The following GNAQ variants were observed in gnomAD, a reference collection of about 807,000 sequenced individuals.
GNAQ encodes G protein subunit alpha q.
Under a neutral mutation model 43.9 loss-of-function variants are expected in GNAQ, and 8 were observed. The ratio of observed to expected loss-of-function variants is 0.18; its 90% CI spans 0.11 to 0.33. GNAQ has a LOEUF of 0.33. Among genes scored for constraint, GNAQ ranks in the 10% least tolerant of loss-of-function variants. The pLI is 1.00. For missense variants in GNAQ, 158 were observed against 450.8 expected, an observed-to-expected ratio of 0.35 and a Z score of 5.88; for synonymous variants, 155 against 170.7, an observed-to-expected ratio of 0.91 and a Z score of 0.71.
intron 1 of GNAQ, among the ~76,000 whole-genome samples, chr9:77,989,368 T>C (rs1216149068): frequency 6.6e-6 from 1 of 152,188 alleles, no homozygotes; most frequent in Non-Finnish European, 1.5e-5. Context: ...CAGACTCGAA[T>C]GTTGAATCCT....
intron 6 of GNAQ, among the ~76,000 whole-genome samples, chr9:77,728,309 A>G (rs967274804): frequency 1.3e-5 from 2 of 152,134 alleles, no homozygotes; most frequent in African/African-American, 4.8e-5. Context: ...TTCTTTTTCT[A>G]TGACTTTTAG....
chr9:77,849,044 G>T (rs141567364), intron 2 of GNAQ, among the ~76,000 whole-genome samples: 1 of 152,256 alleles, frequency 6.6e-6, no homozygotes, highest in East Asian at 1.9e-4. Flanking sequence ...AGGAAAATTC[G>T]AGCTCAGTGA....
intron 1 of GNAQ, among the ~76,000 whole-genome samples, chr9:77,957,935 G>C (rs140982379): frequency 7.4e-4 from 112 of 152,278 alleles, no homozygotes; most frequent in Admixed American, 1.2e-3. Flanking sequence ...TTAAAGAAGA[G>C]ACACATTTTA....
chr9:78,012,189 T>C (rs1823781292), intron 1 of GNAQ, among the ~76,000 whole-genome samples: 1 of 151,384 alleles, frequency 6.6e-6, no homozygotes, highest in African/African-American at 2.4e-5. Context: ...AAGAATTCTA[T>C]ACCCATGCAA....
intron 2 of GNAQ, among the ~76,000 whole-genome samples, chr9:77,825,740 C>T (rs1040785858): frequency 1.3e-5 from 2 of 152,038 alleles, no homozygotes; most frequent in African/African-American, 4.8e-5. Context: ...TTTAATGCAG[C>T]TATTAATAAG....
In GNAQ at chr9:77,727,150, T is replaced by A. The variant is rs1021127965; in HGVS notation, c.889+1364A>T. Among the ~76,000 whole-genome samples, 46 of 150,848 alleles carry A rather than the reference T, an allele frequency of 3.0e-4. 1 individual carries two copies. Among genetic ancestry groups the A allele is most frequent in the Admixed American group, 2.5e-3 (37 of 15,094 alleles). Reference sequence around the variant, plus strand: ...CCCAGGCAGGAGTATAGTGGCAGGATCATGGCTCATTGCAGTCTTGACCTC... The same window carrying A: ...CCCAGGCAGGAGTATAGTGGCAGGAACATGGCTCATTGCAGTCTTGACCTC... On this transcript the variant is annotated intron_variant, in intron 6 of 6. Coordinates refer to ENST00000286548, the MANE Select transcript of GNAQ (RefSeq NM_002072.5).
intron 5 of GNAQ, among the ~76,000 whole-genome samples, chr9:77,753,216 A>G (rs1825844006): frequency 6.6e-6 from 1 of 152,084 alleles, no homozygotes. Context: ...CCCGAGGCAC[A>G]TGTTCTTCAG....
intron 2 of GNAQ, among the ~76,000 whole-genome samples, chr9:77,917,380 G>A (rs1297072237): frequency 6.6e-6 from 1 of 151,910 alleles, no homozygotes; most frequent in African/African-American, 2.4e-5. Flanking sequence ...GGGTGGGGGG[G>A]AAGAAGGTAA....
chr9:77,837,898 G>C (rs1827417539), intron 2 of GNAQ, among the ~76,000 whole-genome samples: 1 of 147,498 alleles, frequency 6.8e-6, no homozygotes, highest in African/African-American at 2.5e-5. Flanking sequence ...GCCTGGGCTG[G>C]AGTGCAGTGG....
chr9:78,008,595 A>G (rs1183582545), intron 1 of GNAQ, among the ~76,000 whole-genome samples: 2 of 151,256 alleles, frequency 1.3e-5, no homozygotes, highest in African/African-American at 4.9e-5. Context: ...ATTTCATTTC[A>G]TTTCATTTCA....
At chr9:77,921,848 C>G (rs1829000999) in intron 2 of GNAQ, among the ~76,000 whole-genome samples, 1 of 152,184 alleles carries the variant, frequency 6.6e-6, no homozygotes, top group Admixed American at 6.5e-5. Context: ...TACAAACTCT[C>G]TCCTTAACAT....
intron 5 of GNAQ, among the ~76,000 whole-genome samples, chr9:77,762,921 A>G (rs1363525169): frequency 7.2e-5 from 11 of 152,038 alleles, no homozygotes; most frequent in Admixed American, 5.2e-4. Context: ...AAGAGTCATC[A>G]CCACTCCCTA....
intron 2 of GNAQ, among the ~76,000 whole-genome samples, chr9:77,881,311 G>A (rs1564139726): frequency 2.0e-5 from 3 of 152,208 alleles, no homozygotes; most frequent in African/African-American, 4.8e-5. Flanking sequence ...CAAGCACCCC[G>A]AACACTGCCT....
At chr9:77,896,633 T>C (rs1241396232) in intron 2 of GNAQ, among the ~76,000 whole-genome samples, 1 of 152,270 alleles carries the variant, frequency 6.6e-6, no homozygotes, top group Non-Finnish European at 1.5e-5. Context: ...ATTTCTTTTC[T>C]TTTTTCTCAT....
intron 2 of GNAQ, among the ~76,000 whole-genome samples, chr9:77,910,327 T>G (rs1245267840): frequency 1.3e-5 from 2 of 152,198 alleles, no homozygotes; most frequent in African/African-American, 4.8e-5. Context: ...ATATTCTGCC[T>G]AACTGAAAAT....
chr9:77,773,200 T>C (rs540056650), intron 5 of GNAQ, among the ~76,000 whole-genome samples: 210 of 144,706 alleles, frequency 1.5e-3, no homozygotes, highest in South Asian at 6.2e-3. Flanking sequence ...TTCCCCATAT[T>C]TTAATCTTAT....
chr9:77,898,129 T>G lies in GNAQ; in HGVS notation c.321+24032A>C, dbSNP rs114232650. On this transcript the variant is annotated intron_variant, in intron 2 of 6. Coordinates refer to ENST00000286548, the MANE Select transcript of GNAQ (RefSeq NM_002072.5). Reference sequence around the variant, plus strand: ...TTAATTACCAAGAGGCCAACTGTTCTGTCACTGGATAATCCAGGCTCTTCT... The same window carrying G: ...TTAATTACCAAGAGGCCAACTGTTCGGTCACTGGATAATCCAGGCTCTTCT... Among the ~76,000 whole-genome samples the G allele has an allele frequency of 9.1e-3, 1,384 of 152,288 alleles. 17 individuals are homozygous for G. Among genetic ancestry groups the G allele is most frequent in the African/African-American group, 0.031 (1,279 of 41,562 alleles).
chr9:77,939,647 T>C (rs867032465), intron 1 of GNAQ, among the ~76,000 whole-genome samples: 10 of 152,290 alleles, frequency 6.6e-5, no homozygotes, highest in Middle Eastern at 6.8e-3. Flanking sequence ...TCAATAGCCA[T>C]AACAGATAAT....
chr9:78,027,223 A>G (rs1438509554), intron 1 of GNAQ, among the ~76,000 whole-genome samples: 1 of 152,192 alleles, frequency 6.6e-6, no homozygotes, highest in Admixed American at 6.5e-5. Context: ...AGAGTTACAC[A>G]CAATTTTTTT....
Sources: allele counts gnomAD v4.1 joint callset (sites outside exome capture counted in the v4.1 genomes callset), GRCh38; gene constraint gnomAD v4.1.1; transcripts MANE v1.5; gene names NCBI Gene and HGNC (gene_info 2026-07-23, HGNC 2026-07-21).